PDGFD: variants seen among roughly 807,000 people sequenced by gnomAD.
The protein encoded by PDGFD is platelet-derived growth factor D.
In PDGFD, 30 loss-of-function variants were observed where a neutral mutation model predicts 44.7. That is an observed-to-expected ratio of 0.67 (90% CI 0.50 to 0.91). The LOEUF is 0.91. PDGFD is among the 40% of genes least tolerant of loss of function. The pLI, the probability that PDGFD is intolerant of heterozygous loss-of-function variation, is 0.00. For missense variants in PDGFD, 445 were observed against 457.8 expected (o/e 0.97, Z 0.25); for synonymous variants, 173 against 168.4 (o/e 1.03, Z -0.21).
intron 1 of PDGFD, among the ~76,000 whole-genome samples, chr11:104,120,491 C>A (rs1348027339): frequency 6.6e-6 from 1 of 151,828 alleles, no homozygotes; most frequent in Non-Finnish European, 1.5e-5. Flanking sequence ...CTTGACCTGG[C>A]ACCAACGGCC....
At chr11:103,957,208 T>A (rs971691253) in intron 3 of PDGFD, among the ~76,000 whole-genome samples, 6 of 152,228 alleles carry the variant, frequency 3.9e-5, no homozygotes, top group African/African-American at 9.6e-5. Context: ...CGTTTAAGTC[T>A]TTAATCTATC....
At chr11:104,096,005 C>G (rs1057086524) in intron 1 of PDGFD, among the ~76,000 whole-genome samples, 3 of 152,172 alleles carry the variant, frequency 2.0e-5, no homozygotes, top group Admixed American at 2.0e-4. Flanking sequence ...AGAATTAATA[C>G]AATCTGCAGA....
chr11:104,043,998 G>A (rs1284740931), intron 1 of PDGFD, among the ~76,000 whole-genome samples: 1 of 152,164 alleles, frequency 6.6e-6, no homozygotes, highest in Admixed American at 6.6e-5. Flanking sequence ...TAATGAAAAG[G>A]ATTTGGGGCT....
intron 1 of PDGFD, among the ~76,000 whole-genome samples, chr11:104,029,324 A>T (rs1283699359): frequency 1.3e-5 from 2 of 152,230 alleles, no homozygotes; most frequent in Non-Finnish European, 2.9e-5. Context: ...TGTTATTTTT[A>T]AAAGTGAAGC....
chr11:104,020,442 T>C (rs1859932357), intron 1 of PDGFD, among the ~76,000 whole-genome samples: 1 of 152,114 alleles, frequency 6.6e-6, no homozygotes, highest in Admixed American at 6.6e-5. Context: ...TATGTTTCAA[T>C]CCCATAAGAA....
At chr11:104,004,339 C>T (rs572610830) in intron 1 of PDGFD, among the ~76,000 whole-genome samples, 1 of 152,278 alleles carries the variant, frequency 6.6e-6, no homozygotes, top group African/African-American at 2.4e-5. Context: ...CTGTGCTGAA[C>T]ACATACAGAC....
chr11:104,090,939 C>T (rs1178817745), intron 1 of PDGFD, among the ~76,000 whole-genome samples: 1 of 152,030 alleles, frequency 6.6e-6, no homozygotes, highest in African/African-American at 2.4e-5. Context: ...TCTACTATAG[C>T]TCTAAAACAG....
chr11:104,138,918 C>T (rs755218745), intron 1 of PDGFD, among the ~76,000 whole-genome samples: 1 of 152,070 alleles, frequency 6.6e-6, no homozygotes, highest in African/African-American at 2.4e-5. Flanking sequence ...CAAGTCACCA[C>T]GTCCAGCTAA....
intron 1 of PDGFD, among the ~76,000 whole-genome samples, chr11:104,073,131 T>C (rs1860904735): frequency 6.6e-6 from 1 of 152,046 alleles, no homozygotes; most frequent in Non-Finnish European, 1.5e-5. Context: ...TAATCCAGGA[T>C]TAGTTTTATC....
chr11:104,025,273 G>A (rs920694942), intron 1 of PDGFD, among the ~76,000 whole-genome samples: 1 of 152,170 alleles, frequency 6.6e-6, no homozygotes. Flanking sequence ...ATTAATAAAA[G>A]CTACACACCA....
At chr11:103,925,152 G>C (rs1858286308) in intron 6 of PDGFD, among the ~76,000 whole-genome samples, 1 of 152,160 alleles carries the variant, frequency 6.6e-6, no homozygotes, top group South Asian at 2.1e-4. Context: ...TTTTAAGGCT[G>C]CAAAGTATTC....
chr11:104,158,918 A>C (rs1364100909), intron 1 of PDGFD, among the ~76,000 whole-genome samples: 1 of 151,834 alleles, frequency 6.6e-6, no homozygotes, highest in Non-Finnish European at 1.5e-5. Flanking sequence ...ACTTTGGGAG[A>C]CCGAGGCGGG....
At chr11:103,924,155 T>G (rs989549186) in intron 6 of PDGFD, among the ~76,000 whole-genome samples, 1 of 152,182 alleles carries the variant, frequency 6.6e-6, no homozygotes, top group Non-Finnish European at 1.5e-5. Context: ...CCACAATAAG[T>G]AATTTTTTAA....
At chr11:104,077,920 G>A (rs968223441) in intron 1 of PDGFD, among the ~76,000 whole-genome samples, 1 of 152,070 alleles carries the variant, frequency 6.6e-6, no homozygotes, top group Middle Eastern at 3.2e-3. Context: ...AAAATGTACA[G>A]ACCTCAGCAG....
chr11:104,109,352 A>C (rs867815904), intron 1 of PDGFD, among the ~76,000 whole-genome samples: 1 of 152,274 alleles, frequency 6.6e-6, no homozygotes, highest in South Asian at 2.1e-4. Context: ...CTCTTCATCC[A>C]TAAGTTAGGC....
chr11:104,099,610 C>T (rs621196), intron 1 of PDGFD, among the ~76,000 whole-genome samples: 65,880 of 149,188 alleles, frequency 0.44, 14,669 homozygotes, highest in South Asian at 0.48. Context: ...GCAGCCTGGG[C>T]GACAGAGTGA....
intron 1 of PDGFD, among the ~76,000 whole-genome samples, chr11:104,136,301 A>G (rs74616977): frequency 0.043 from 6,601 of 152,302 alleles, 216 homozygotes; most frequent in African/African-American, 0.089. Context: ...AGTATTTCTA[A>G]AATCACATTC....
Position 103,909,617 on chromosome 11 carries a change from T to C in PDGFD, c.*77A>G. 1 of 1,562,612 alleles carries C rather than the reference T, an allele frequency of 6.4e-7. No individual in the cohort carries two copies. The highest frequency in any genetic ancestry group is 8.8e-7 in the Non-Finnish European group (1 of 1,139,186). ...GGCTAGTAGTAAGTTTGGTTGCTGG[T>C]AGGAAAAGGGTCTCTTATCTCACCC... On this transcript the variant is annotated 3_prime_UTR_variant, in exon 7 of 7. Transcript: ENST00000393158.
At position 103,909,689 on chromosome 11, in the gene PDGFD, T is replaced by C. The variant is rs1857997736; in HGVS notation, c.*5A>G. The C allele has an allele frequency of 5.0e-6, 8 of 1,613,918 alleles. No individual in the cohort carries two copies. The highest frequency in any genetic ancestry group is 3.3e-4 in the Middle Eastern group (2 of 6,082). On this transcript the variant is annotated 3_prime_UTR_variant, in exon 7 of 7. Transcript: ENST00000393158. The stretch of plus-strand genomic sequence containing the variant: ...CAGGCTTAATGTAAGGATGTGCACA[T>C]TCTCTTATCGAGGTGGTCTTGAGCT...
Sources: allele counts gnomAD v4.1 joint callset (sites outside exome capture counted in the v4.1 genomes callset), GRCh38; gene constraint gnomAD v4.1.1; transcripts MANE v1.5; gene names NCBI Gene and HGNC (gene_info 2026-07-23, HGNC 2026-07-21).